The following UNC5D variants were observed in gnomAD, a reference collection of about 807,000 sequenced individuals.
The protein encoded by UNC5D is unc-5 netrin receptor D.
UNC5D carries 39 observed loss-of-function variants against 105.4 expected under a neutral mutation model. That is an observed-to-expected ratio of 0.37 (90% CI 0.29 to 0.48). UNC5D has a LOEUF of 0.48. Ranked by LOEUF, UNC5D falls within the 20% of genes least tolerant of loss-of-function variation. The pLI, the probability that UNC5D is intolerant of heterozygous loss-of-function variation, is 0.98. For synonymous variants in UNC5D, 452 were observed against 450.4 expected (o/e 1.00, Z -0.04); for missense variants, 991 against 1,202.4 (o/e 0.82, Z 2.60).
At chr8:35,321,975 C>T (rs1327528495) in intron 1 of UNC5D, among the ~76,000 whole-genome samples, 1 of 152,126 alleles carries the variant, frequency 6.6e-6, no homozygotes, top group Non-Finnish European at 1.5e-5. Context: ...ACCCACAGTA[C>T]CCATTTCATG....
At chr8:35,573,174 A>G (rs1190146866) in intron 3 of UNC5D, among the ~76,000 whole-genome samples, 1 of 152,222 alleles carries the variant, frequency 6.6e-6, no homozygotes, top group African/African-American at 2.4e-5. Flanking sequence ...ACATACTTTT[A>G]GTAACAAGAC....
chr8:35,533,767 C>A (rs111516361), intron 1 of UNC5D, among the ~76,000 whole-genome samples: 105 of 152,228 alleles, frequency 6.9e-4, no homozygotes, highest in African/African-American at 2.5e-3. Context: ...TTTTTTTAGC[C>A]GGTCTGAAAA....
Position 35,694,216 on chromosome 8 carries a change from A to G in UNC5D, c.1084+7507A>G, listed in dbSNP as rs2131387163. ...AGATGATATCCCCGAGAAACACTGAACTGGGGACTGTTGGAAGGTACAGAG... is the reference window on the plus strand; with the variant it reads ...AGATGATATCCCCGAGAAACACTGAGCTGGGGACTGTTGGAAGGTACAGAG... On this transcript the variant is annotated intron_variant, in intron 7 of 16. Transcript: ENST00000404895. Among the ~76,000 whole-genome samples the G allele has an allele frequency of 2.0e-5, 3 of 152,276 alleles. No individual in the cohort carries two copies. In the South Asian group the frequency reaches 6.2e-4, roughly 32 times the overall value.
intron 1 of UNC5D, among the ~76,000 whole-genome samples, chr8:35,248,743 TAAA>T (rs1358411498): frequency 2.1e-5 from 2 of 96,036 alleles, no homozygotes; most frequent in Non-Finnish European, 3.5e-5. Flanking sequence ...ATAATATATA[TAAA>T]ATATATAAAT....
At chr8:35,605,217 T>A in intron 4 of UNC5D, among the ~76,000 whole-genome samples, 1 of 152,202 alleles carries the variant, frequency 6.6e-6, no homozygotes, top group East Asian at 1.9e-4. Context: ...TACAGATGGG[T>A]TTTTGGTGTG....
At chr8:35,755,200 G>A (rs753510749) in intron 13 of UNC5D, among the ~76,000 whole-genome samples, 13 of 151,974 alleles carry the variant, frequency 8.6e-5, no homozygotes, top group Non-Finnish European at 1.6e-4. Context: ...AACAAACCTT[G>A]ACATAGGAAA....
At chr8:35,375,692 C>G (rs1454122487) in intron 1 of UNC5D, among the ~76,000 whole-genome samples, 1 of 152,162 alleles carries the variant, frequency 6.6e-6, no homozygotes, top group East Asian at 1.9e-4. Context: ...ATTTTCTTCT[C>G]TTATCCAAAC....
intron 1 of UNC5D, among the ~76,000 whole-genome samples, chr8:35,534,776 AAT>A (rs1049068565): frequency 6.6e-6 from 1 of 152,024 alleles, no homozygotes; most frequent in African/African-American, 2.4e-5. Flanking sequence ...AACTTGTTTT[AAT>A]ATATATTTGG....
intron 1 of UNC5D, among the ~76,000 whole-genome samples, chr8:35,318,866 A>C (rs1339238181): frequency 1.3e-5 from 2 of 152,096 alleles, no homozygotes; most frequent in African/African-American, 4.8e-5. Context: ...ATTAGCTGTA[A>C]CCTATCCATT....
At chr8:35,676,795 G>A (rs1039691546) in intron 4 of UNC5D, among the ~76,000 whole-genome samples, 1 of 152,100 alleles carries the variant, frequency 6.6e-6, no homozygotes, top group Non-Finnish European at 1.5e-5. Flanking sequence ...TAAATCCAGT[G>A]TAGGGCATTG....
chr8:35,553,138 G>C (rs992717895), intron 2 of UNC5D, among the ~76,000 whole-genome samples: 1 of 152,070 alleles, frequency 6.6e-6, no homozygotes, highest in African/African-American at 2.4e-5. Context: ...TGTTACCACT[G>C]CTAGAAAAAT....
chr8:35,542,716 A>G (rs1320549285), intron 1 of UNC5D, among the ~76,000 whole-genome samples: 3 of 152,238 alleles, frequency 2.0e-5, no homozygotes, highest in Non-Finnish European at 2.9e-5. Context: ...TTTTACTAAT[A>G]TAGCTACAGG....
intron 4 of UNC5D, among the ~76,000 whole-genome samples, chr8:35,660,517 A>T (rs1005609754): frequency 2.6e-5 from 4 of 152,164 alleles, no homozygotes; most frequent in Admixed American, 2.6e-4. Flanking sequence ...GGTGTTTATC[A>T]CCCAGCATTT....
intron 1 of UNC5D, among the ~76,000 whole-genome samples, chr8:35,248,712 A>T (rs1172996878): frequency 2.0e-5 from 2 of 98,752 alleles, no homozygotes; most frequent in Non-Finnish European, 3.5e-5. Flanking sequence ...TATATAATAT[A>T]TATAAAATAT....
At chr8:35,785,076 A>G (rs780748013) in intron 16 of UNC5D, among the ~76,000 whole-genome samples, 2 of 151,976 alleles carry the variant, frequency 1.3e-5, no homozygotes, top group African/African-American at 2.4e-5. Flanking sequence ...AATCAAACAC[A>G]CTCAGGAAAT....
At chr8:35,554,209 G>C (rs1413018508) in intron 2 of UNC5D, among the ~76,000 whole-genome samples, 1 of 152,072 alleles carries the variant, frequency 6.6e-6, no homozygotes, top group Non-Finnish European at 1.5e-5. Context: ...TGGTAATTTG[G>C]CCCTGTCATC....
intron 1 of UNC5D, among the ~76,000 whole-genome samples, chr8:35,288,078 T>C (rs1458447189): frequency 2.1e-5 from 3 of 145,862 alleles, no homozygotes; most frequent in Non-Finnish European, 4.5e-5. Context: ...AATTCCCAAA[T>C]CTGGAGACAG....
chr8:35,628,705 A>G (rs1056697872), intron 4 of UNC5D, among the ~76,000 whole-genome samples: 1 of 152,196 alleles, frequency 6.6e-6, no homozygotes, highest in African/African-American at 2.4e-5. Context: ...TTCAGAAAGA[A>G]GGCAGGTTTC....
At chr8:35,534,554 T>G (rs1814689769) in intron 1 of UNC5D, among the ~76,000 whole-genome samples, 1 of 151,296 alleles carries the variant, frequency 6.6e-6, no homozygotes, top group Non-Finnish European at 1.5e-5. Flanking sequence ...TTGAGAAACT[T>G]TGGGTTGATG....
Sources: gnomAD v4.1 joint callset for allele counts (sites outside exome capture counted in the v4.1 genomes callset) on GRCh38, gnomAD v4.1.1 for gene constraint, MANE v1.5 for transcripts, NCBI Gene and HGNC (gene_info 2026-07-23, HGNC 2026-07-21) for gene names.